KCNMA1: variants seen among roughly 807,000 people sequenced by gnomAD.
KCNMA1 encodes potassium calcium-activated channel subfamily M alpha 1, also known as Calcium-activated potassium channel subunit alpha-1.
KCNMA1 carries 29 observed loss-of-function variants against 140.0 expected under a neutral mutation model. The ratio of observed to expected loss-of-function variants is 0.21; its 90% CI spans 0.15 to 0.28. The LOEUF is 0.28. Among genes scored for constraint, KCNMA1 ranks in the 10% least tolerant of loss-of-function variants. KCNMA1 has a pLI of 1.00. For missense variants in KCNMA1, 880 were observed against 1,602.2 expected (o/e 0.55, Z 7.70); for synonymous variants, 612 against 611.9 (o/e 1.00, Z 0.00).
chr10:77,094,463 C>T (rs1271597867), intron 9 of KCNMA1, among the ~76,000 whole-genome samples: 1 of 152,146 alleles, frequency 6.6e-6, no homozygotes, highest in Non-Finnish European at 1.5e-5. Flanking sequence ...GGGTCCTCCA[C>T]TGGCCAAGGG....
intron 2 of KCNMA1, among the ~76,000 whole-genome samples, chr10:77,380,995 C>G (rs1212848685): frequency 6.6e-6 from 1 of 152,162 alleles, no homozygotes; most frequent in East Asian, 1.9e-4. Flanking sequence ...CTTTTCTGAC[C>G]TTAGATTCCC....
chr10:77,490,495 T>A (rs1461783406), intron 1 of KCNMA1, among the ~76,000 whole-genome samples: 1 of 152,172 alleles, frequency 6.6e-6, no homozygotes, highest in East Asian at 1.9e-4. Flanking sequence ...TTACTGGAAC[T>A]TCTTGGGCAA....
At chr10:77,430,520 G>T (rs77894392) in intron 1 of KCNMA1, among the ~76,000 whole-genome samples, 3,176 of 152,216 alleles carry the variant, frequency 0.021, 47 homozygotes, top group Non-Finnish European at 0.029. Context: ...AATTGATTGA[G>T]AACTCTTTCA....
At chr10:77,637,045 C>G in intron 1 of KCNMA1, 1 of 1,397,154 alleles carries the variant, frequency 7.2e-7, no homozygotes, top group Non-Finnish European at 9.3e-7. Flanking sequence ...CGTCCGCGTC[C>G]CGGAGCGCAC....
At chr10:77,502,052 G>A (rs1016615203) in intron 1 of KCNMA1, among the ~76,000 whole-genome samples, 17 of 152,140 alleles carry the variant, frequency 1.1e-4, no homozygotes, top group African/African-American at 3.9e-4. Flanking sequence ...TGAGACCCAT[G>A]AAGGACAGAG....
chr10:77,110,329 C>G lies in KCNMA1; in HGVS notation c.975G>C (p.Gly325=). ...AGFIHLVENS[G]DPWENFQNNQ... The stretch of plus-strand genomic sequence containing the variant: ...TGTTTTGGAAATTTTCCCATGGGTC[C>G]CCTGAATTCTCCACCTAAAGCAAAT... The change falls in exon 8 of 28, where the codon GGG becomes GGC. Residue 325 remains glycine, a synonymous_variant. Coordinates refer to ENST00000286628, the MANE Select transcript of KCNMA1 (RefSeq NM_001161352.2). 6.2e-7 allele frequency: 1 copy of G among 1,613,468 alleles called. No individual in the cohort carries two copies. The highest frequency in any genetic ancestry group is 8.5e-7 in the Non-Finnish European group (1 of 1,179,526).
chr10:77,097,800 C>T (rs944339390), intron 9 of KCNMA1, among the ~76,000 whole-genome samples: 6 of 152,202 alleles, frequency 3.9e-5, no homozygotes, highest in Admixed American at 2.6e-4. Flanking sequence ...TGCATTCTCC[C>T]TCCTAGTGAG....
At chr10:77,168,281 G>A (rs572336559) in intron 5 of KCNMA1, among the ~76,000 whole-genome samples, 1 of 152,124 alleles carries the variant, frequency 6.6e-6, no homozygotes, top group African/African-American at 2.4e-5. Context: ...CTGTGTGTTA[G>A]GATTAAATGA....
At chr10:77,136,665 G>A (rs11002041) in intron 5 of KCNMA1, among the ~76,000 whole-genome samples, 72,494 of 151,606 alleles carry the variant, frequency 0.48, 18,096 homozygotes, top group African/African-American at 0.52. Flanking sequence ...ATAGGTATGT[G>A]TAAAATGAAA....
At chr10:77,469,427 G>A (rs2098106172) in intron 1 of KCNMA1, among the ~76,000 whole-genome samples, 1 of 152,182 alleles carries the variant, frequency 6.6e-6, no homozygotes, top group Non-Finnish European at 1.5e-5. Context: ...CGCCAGAACT[G>A]TGTCTCCTCA....
intron 1 of KCNMA1, among the ~76,000 whole-genome samples, chr10:77,548,875 G>A (rs546644228): frequency 2.6e-5 from 4 of 152,298 alleles, no homozygotes; most frequent in African/African-American, 7.2e-5. Context: ...GGATATAGTG[G>A]CAATCAAGAT....
intron 7 of KCNMA1, among the ~76,000 whole-genome samples, chr10:77,110,705 C>T (rs1182134678): frequency 6.6e-6 from 1 of 152,230 alleles, no homozygotes; most frequent in Admixed American, 6.5e-5. Flanking sequence ...AAGGAAAGAG[C>T]CAGAGATTCC....
At chr10:77,462,962 C>T (rs540491407) in intron 1 of KCNMA1, among the ~76,000 whole-genome samples, 3 of 152,238 alleles carry the variant, frequency 2.0e-5, no homozygotes, top group East Asian at 1.9e-4. Flanking sequence ...GGAGAAACCT[C>T]GATGAAACTC....
At chr10:76,941,130 G>A (rs2062149631) in intron 23 of KCNMA1, among the ~76,000 whole-genome samples, 1 of 70,930 alleles carries the variant, frequency 1.4e-5, no homozygotes, top group African/African-American at 4.8e-5. Flanking sequence ...GAAGGGAAGG[G>A]AAGGGAAGGG....
chr10:77,308,440 G>A (rs565922322), intron 2 of KCNMA1, among the ~76,000 whole-genome samples: 2 of 152,248 alleles, frequency 1.3e-5, no homozygotes, highest in African/African-American at 4.8e-5. Context: ...CACTATGGAG[G>A]GAAAGCCCCT....
intron 1 of KCNMA1, among the ~76,000 whole-genome samples, chr10:77,496,393 G>A (rs538701646): frequency 7.8e-4 from 119 of 152,120 alleles, no homozygotes; most frequent in African/African-American, 2.5e-3. Flanking sequence ...TCAGGAGATC[G>A]AGACCATACT....
intron 23 of KCNMA1, among the ~76,000 whole-genome samples, chr10:76,943,850 A>G (rs796434965): frequency 2.0e-5 from 3 of 152,270 alleles, no homozygotes; most frequent in African/African-American, 7.2e-5. Flanking sequence ...AGGAGGTCAG[A>G]CACTTGCCAA....
At chr10:77,354,324 T>G (rs2093262776) in intron 2 of KCNMA1, 1 of 152,254 alleles carries the variant, frequency 6.6e-6, no homozygotes, top group Admixed American at 6.5e-5. Context: ...ACTCAGTCTT[T>G]TCTTCAGCCA....
chr10:76,949,539 G>A (rs1031405578), intron 21 of KCNMA1, 173 bp from the exon 22 acceptor site: 1 of 664,414 alleles, frequency 1.5e-6, no homozygotes, highest in East Asian at 2.7e-5. Flanking sequence ...GCTATAATTT[G>A]AGCACGTGTA....
Sources: gnomAD v4.1 joint callset for allele counts (sites outside exome capture counted in the v4.1 genomes callset) on GRCh38, gnomAD v4.1.1 for gene constraint, MANE v1.5 for transcripts, NCBI Gene and HGNC (gene_info 2026-07-23, HGNC 2026-07-21) for gene names.